Variants in SLC6A6 observed in about 807,000 individuals in gnomAD.
The protein encoded by SLC6A6 is solute carrier family 6 member 6, also known as sodium- and chloride-dependent taurine transporter.
Under a neutral mutation model 68.8 loss-of-function variants are expected in SLC6A6, and 16 were observed. The ratio of observed to expected loss-of-function variants is 0.23; its 90% confidence interval spans 0.16 to 0.35. The LOEUF (loss-of-function observed/expected upper bound fraction) is 0.35, where lower values mean the gene tolerates loss of function less well. SLC6A6 is among the 10% of genes least tolerant of loss of function. SLC6A6 has a pLI of 1.00. For missense variants in SLC6A6, 474 were observed against 802.8 expected, an observed-to-expected ratio of 0.59 and a Z score of 4.95; for synonymous variants, 312 against 315.4, an observed-to-expected ratio of 0.99 and a Z score of 0.12.
chr3:14,447,746 C>A lies in SLC6A6; in HGVS notation c.529C>A (p.Arg177Ser). 6.2e-7 allele frequency: 1 copy of A among 1,614,214 alleles called. No homozygotes were observed. ...ACCTCACTGCATGGAGGACACCATG[C>A]GCAAGAACAAGAGTGTCTGGATCAC... Reference protein sequence around the residue: ...NTPHCMEDTMRKNKSVWITIS... With the variant: ...NTPHCMEDTMSKNKSVWITIS... The change falls in exon 5 of 15, where the codon CGC (arginine) becomes AGC (serine). Residue 177 changes from arginine (R) to serine (S), a missense_variant. Transcript: ENST00000622186.
chr3:14,467,724 G>A, intron 7 of SLC6A6, 129 bp from the exon 8 acceptor site: 1 of 619,152 alleles, frequency 1.6e-6, no homozygotes. Flanking sequence ...GAGCATAAAT[G>A]TTCCATTTGC....
chr3:14,409,477 C>G (rs1240466932), intron 1 of SLC6A6, among the ~76,000 whole-genome samples: 1 of 152,260 alleles, frequency 6.6e-6, no homozygotes, highest in African/African-American at 2.4e-5. Context: ...CCAGCCCACA[C>G]TCAGCTAGGA....
At chr3:14,445,952 C>A in intron 4 of SLC6A6, 101 bp downstream of exon 4, 1 of 1,168,638 alleles carries the variant, frequency 8.6e-7, no homozygotes, top group Non-Finnish European at 1.3e-6. Context: ...GCCTCATGCA[C>A]ATCACTTAGC....
intron 2 of SLC6A6, among the ~76,000 whole-genome samples, chr3:14,436,202 A>T (rs568112817): frequency 4.6e-5 from 7 of 152,182 alleles, no homozygotes; most frequent in African/African-American, 1.7e-4. Context: ...TATTATTATT[A>T]TTTTTTCATC....
At chr3:14,443,526 G>C in intron 2 of SLC6A6, 98 bp from the exon 3 acceptor site, 1 of 847,364 alleles carries the variant, frequency 1.2e-6, no homozygotes, top group South Asian at 1.6e-5. Context: ...GCCCGGGCAG[G>C]TGGGAGCCGG....
At chr3:14,405,456 T>A (rs549223903) in intron 1 of SLC6A6, among the ~76,000 whole-genome samples, 30 of 152,352 alleles carry the variant, frequency 2.0e-4, no homozygotes, top group Admixed American at 6.5e-4. Context: ...CATTCCCGTA[T>A]ATAGAAAAAG....
chr3:14,439,865 C>T (rs1021113917), intron 2 of SLC6A6, among the ~76,000 whole-genome samples: 1 of 152,128 alleles, frequency 6.6e-6, no homozygotes, highest in African/African-American at 2.4e-5. Context: ...GACTGAGCCG[C>T]AGAGGGACAG....
chr3:14,458,339 A>T (rs1043892832), intron 6 of SLC6A6, among the ~76,000 whole-genome samples: 1 of 152,238 alleles, frequency 6.6e-6, no homozygotes, highest in African/African-American at 2.4e-5. Flanking sequence ...ATTCCTGAAT[A>T]TTGAAGAGCC....
At chr3:14,454,855 C>G (rs1209126838) in intron 5 of SLC6A6, among the ~76,000 whole-genome samples, 1 of 152,152 alleles carries the variant, frequency 6.6e-6, no homozygotes, top group Non-Finnish European at 1.5e-5. Context: ...TCTCTGTCTC[C>G]CTCCCTCTTT....
rs764543598 is a variant in SLC6A6 at position 14,478,604 on chromosome 3, T to C, written c.1450+36T>C. ...ATTTTTTCATGTCCTTTCTCAAGGC[T>C]CTCCTTTGGGCTTCTCTACTTAGAA... On this transcript the variant is annotated intron_variant, in intron 12 of 14. Transcript: ENST00000622186. The C allele has an allele frequency of 3.9e-6, 5 of 1,293,130 alleles. No homozygotes were observed. In the South Asian group the frequency reaches 5.9e-5, roughly 15 times the overall value. The allele number at this position is 1,293,130 out of a possible 1,614,324, so 80.1% of individuals were successfully genotyped here. A position where few individuals can be genotyped will look rare whatever the true frequency, so the allele number is the denominator to read the frequency against.
chr3:14,474,816 G>A (rs1034859234), intron 10 of SLC6A6, among the ~76,000 whole-genome samples: 1 of 152,212 alleles, frequency 6.6e-6, no homozygotes, highest in African/African-American at 2.4e-5. Context: ...GAGATCTACA[G>A]CCCAGAGGCA....
intron 2 of SLC6A6, among the ~76,000 whole-genome samples, chr3:14,438,370 C>G (rs904840258): frequency 6.6e-6 from 1 of 152,150 alleles, no homozygotes; most frequent in African/African-American, 2.4e-5. Context: ...GAGGTTGTTA[C>G]TTGCTCTGGG....
chr3:14,476,980 G>T (rs17039640), intron 10 of SLC6A6, among the ~76,000 whole-genome samples: 2,648 of 152,310 alleles, frequency 0.017, 95 homozygotes, highest in African/African-American at 0.06. Flanking sequence ...GTGGACCACC[G>T]AATGTTGCGT....
intron 10 of SLC6A6, among the ~76,000 whole-genome samples, chr3:14,475,614 G>A (rs560538562): frequency 1.3e-5 from 2 of 152,164 alleles, no homozygotes; most frequent in African/African-American, 4.8e-5. Context: ...CTCTGGAAGC[G>A]GCAGGAACTG....
intron 2 of SLC6A6, among the ~76,000 whole-genome samples, chr3:14,419,517 G>A (rs1039439473): frequency 1.3e-5 from 2 of 152,170 alleles, no homozygotes; most frequent in Non-Finnish European, 2.9e-5. Flanking sequence ...CCATGGAGCT[G>A]GGGAGTCAGG....
At chr3:14,459,876 T>A (rs1700455741) in intron 6 of SLC6A6, among the ~76,000 whole-genome samples, 1 of 106,640 alleles carries the variant, frequency 9.4e-6, no homozygotes, top group African/African-American at 4.2e-5. Context: ...TAAATGCTAA[T>A]TCTCTTCTTT....
chr3:14,408,899 T>C (rs1187095341), intron 1 of SLC6A6, among the ~76,000 whole-genome samples: 4 of 151,688 alleles, frequency 2.6e-5, no homozygotes, highest in African/African-American at 4.8e-5. Context: ...CTCCGCCTCC[T>C]GGGTTCAGGC....
chr3:14,433,120 G>A (rs62231854), intron 2 of SLC6A6, among the ~76,000 whole-genome samples: 2 of 74,552 alleles, frequency 2.7e-5, no homozygotes, highest in African/African-American at 6.6e-5. Flanking sequence ...TGTGAAGGTG[G>A]GACGGTGACC....
chr3:14,436,531 CTTTTTTTTTTTTTTTTTTTTTTTTTT>C (rs58996264), intron 2 of SLC6A6, among the ~76,000 whole-genome samples: 78 of 112,568 alleles, frequency 6.9e-4, no homozygotes, highest in African/African-American at 2.0e-3. Context: ...CAACAACTCC[CTTTTTTTTTTTTTTTTTTTTTTTTTT>C]TTTTTTTTTT....
Sources: allele counts gnomAD v4.1 joint callset (sites outside exome capture counted in the v4.1 genomes callset), GRCh38; gene constraint gnomAD v4.1.1; transcripts MANE v1.5; gene names NCBI Gene and HGNC (gene_info 2026-07-23, HGNC 2026-07-21).